The following ITGA6 variants were observed in gnomAD, a reference collection of about 807,000 sequenced individuals.
ITGA6 encodes integrin subunit alpha 6.
In ITGA6, 63 loss-of-function variants were observed where a neutral mutation model predicts 133.6. That is an observed-to-expected ratio of 0.47 (90% CI 0.38 to 0.58). ITGA6 has a LOEUF of 0.58. Among genes scored for constraint, ITGA6 ranks in the 20% least tolerant of loss-of-function variants. ITGA6 has a pLI of 0.00. For missense variants in ITGA6, 1,068 were observed against 1,309.4 expected (o/e 0.82, Z 2.85); for synonymous variants, 434 against 482.0 (o/e 0.90, Z 1.30).
intron 20 of ITGA6, among the ~76,000 whole-genome samples, chr2:172,490,311 C>T (rs1220311238): frequency 6.6e-6 from 1 of 152,136 alleles, no homozygotes. Flanking sequence ...GATGTCAAAG[C>T]CTGTACTGTT....
intron 1 of ITGA6, among the ~76,000 whole-genome samples, chr2:172,461,139 G>C (rs988850057): frequency 2.0e-5 from 3 of 152,196 alleles, no homozygotes; most frequent in African/African-American, 7.2e-5. Flanking sequence ...TGTGCCCAGA[G>C]CTCTGATTAG....
chr2:172,493,187 T>C (rs1056826321), intron 23 of ITGA6, among the ~76,000 whole-genome samples: 1 of 151,924 alleles, frequency 6.6e-6, no homozygotes, highest in Non-Finnish European at 1.5e-5. Flanking sequence ...GGATTATAGG[T>C]GTGAGCCACT....
rs553800107 is a variant in ITGA6 at position 172,464,484 on chromosome 2, G to C, written c.183-1055G>C. On this transcript the variant is annotated intron_variant, in intron 1 of 25. Coordinates refer to ENST00000684293, the MANE Select transcript of ITGA6 (RefSeq NM_000210.4). Reference sequence around the variant, plus strand: ...TTGTTTCCAAAACTCTCAGCTCTTGGTTTATCTCTGTCCAGTCAGGTGTGT... The same window carrying C: ...TTGTTTCCAAAACTCTCAGCTCTTGCTTTATCTCTGTCCAGTCAGGTGTGT... 3.3e-5 allele frequency: 5 copies of C among 152,414 alleles called. No individual in the cohort carries two copies. In the East Asian group the frequency reaches 9.7e-4, roughly 29 times the overall value. The allele number at this position is 152,414 out of a possible 1,614,324, so 9.4% of individuals were successfully genotyped here. A position where few individuals can be genotyped will look rare whatever the true frequency, so the allele number is the denominator to read the frequency against.
chr2:172,484,865 G>T lies in ITGA6; in HGVS notation c.1633G>T (p.Glu545Ter). 1 of 1,614,146 alleles carries T rather than the reference G, an allele frequency of 6.2e-7. No homozygotes were observed. The highest frequency in any genetic ancestry group is 8.5e-7 in the Non-Finnish European group (1 of 1,179,986). ...AGTTCAGTTTCGAAACCAAGGTTCT[G>T]AGCCCAAATATACTCAAGAACTAAC... ...SRVQFRNQGS[E>*]PKYTQELTLK... Residue 545 changes from glutamate to a stop codon, truncating the protein, a stop_gained, in exon 12 of 26, where the codon GAG (glutamate) becomes TAG (stop). Transcript: ENST00000684293. LOFTEE classifies it high-confidence loss of function.
intron 5 of ITGA6, chr2:172,472,872 A>G (rs758102554): frequency 3.1e-6 from 5 of 1,603,106 alleles, no homozygotes; most frequent in Admixed American, 1.7e-5. Flanking sequence ...CCCTGATGTG[A>G]TGATGAATAG....
At chr2:172,428,163 A>T (rs916955267) in intron 1 of ITGA6, 193 bp downstream of exon 1, 2 of 314,870 alleles carry the variant, frequency 6.4e-6, no homozygotes, top group Non-Finnish European at 1.1e-5. Flanking sequence ...GCCTCCCTCC[A>T]TTCAGCTCGG....
At chr2:172,448,709 T>G (rs1684867982) in intron 1 of ITGA6, among the ~76,000 whole-genome samples, 1 of 152,244 alleles carries the variant, frequency 6.6e-6, no homozygotes, top group African/African-American at 2.4e-5. Flanking sequence ...CAACTTTCTG[T>G]GTAAACATGA....
At chr2:172,493,128 T>C (rs1686990343) in intron 23 of ITGA6, among the ~76,000 whole-genome samples, 4 of 151,940 alleles carry the variant, frequency 2.6e-5, no homozygotes, top group Admixed American at 6.6e-5. Flanking sequence ...GGCTGGTCTT[T>C]AACTCCTGGA....
Position 172,427,623 on chromosome 2 carries a change from G to A in ITGA6, c.-166G>A. On this transcript the variant is annotated 5_prime_UTR_variant, in exon 1 of 26. Transcript: ENST00000684293. ...CAGCGGTCGCGAGCTGCCCGCGAGG[G>A]GGAGCGGCCGGACGGAGAGCGCGAC... The A allele has an allele frequency of 7.8e-7, 1 of 1,282,328 alleles. No individual in the cohort carries two copies. The highest frequency in any genetic ancestry group is 9.8e-7 in the Non-Finnish European group (1 of 1,017,920). 79.4% of individuals were successfully genotyped at this position (1,282,328 alleles called of 1,614,324 possible).
At chr2:172,457,815 G>A (rs1465789687) in intron 1 of ITGA6, among the ~76,000 whole-genome samples, 1 of 152,170 alleles carries the variant, frequency 6.6e-6, no homozygotes, top group Non-Finnish European at 1.5e-5. Flanking sequence ...ATTTTGACTT[G>A]TGGTTCCAGA....
chr2:172,490,853 G>C (rs562948415), intron 20 of ITGA6, 171 bp from the exon 21 acceptor site: 1 of 598,680 alleles, frequency 1.7e-6, no homozygotes, highest in African/African-American at 1.9e-5. Context: ...TGAATTTAGA[G>C]TGATAATACT....
intron 1 of ITGA6, among the ~76,000 whole-genome samples, chr2:172,456,590 G>A (rs16860437): frequency 0.038 from 5,822 of 152,216 alleles, 255 homozygotes; most frequent in African/African-American, 0.11. Context: ...GGCTAGAAGC[G>A]TTAACCATTC....
chr2:172,486,176 C>CAAAAAAAAAAAAAAAA (rs67271824), intron 13 of ITGA6, among the ~76,000 whole-genome samples: 4 of 77,318 alleles, frequency 5.2e-5, no homozygotes, highest in East Asian at 6.4e-4. Context: ...ACTCTATCTC[C>CAAAAAAAAAAAAAAAA]AAAAAAAAAA....
Position 172,427,890 on chromosome 2 carries a change from C to T in ITGA6, c.102C>T (p.Ile34=), listed in dbSNP as rs771118805. The change falls in exon 1 of 26, where the codon ATC becomes ATT. Residue 34 remains isoleucine, a synonymous_variant. Coordinates refer to ENST00000684293, the MANE Select transcript of ITGA6 (RefSeq NM_000210.4). ...FNLDTREDNV[I]RKYGDPGSLF... is the part of the protein sequence containing the mutation. Reference sequence around the variant, plus strand: ...TGGACACTCGGGAGGACAACGTGATCCGGAAATATGGAGACCCCGGGAGCC... The same window carrying T: ...TGGACACTCGGGAGGACAACGTGATTCGGAAATATGGAGACCCCGGGAGCC... 6.2e-7 allele frequency: 1 copy of T among 1,606,904 alleles called. No individual in the cohort carries two copies. Among genetic ancestry groups the T allele is most frequent in the Non-Finnish European group, 8.5e-7 (1 of 1,177,102 alleles).
chr2:172,498,760 T>A (rs926220340), intron 24 of ITGA6, among the ~76,000 whole-genome samples: 3 of 152,200 alleles, frequency 2.0e-5, no homozygotes, highest in African/African-American at 7.2e-5. Context: ...GCCCAAAGAT[T>A]ACAACCTAAA....
Position 172,486,176 on chromosome 2 carries a change from CAAAAAA to C in ITGA6, c.1855-831_1855-826del, listed in dbSNP as rs67271824. On this transcript the variant is annotated intron_variant, in intron 13 of 25. Coordinates refer to ENST00000684293, the MANE Select transcript of ITGA6 (RefSeq NM_000210.4). ...GGCAAAAAGAGTAAGACTCTATCTC[CAAAAAA>C]AAAAAAAAAAAAAAACAACTAATTG... 2.2e-4 allele frequency among the ~76,000 whole-genome samples: 17 copies of C among 77,322 alleles called. No homozygotes were observed. In the East Asian group the frequency reaches 9.5e-3, roughly 43 times the overall value. 50.7% of individuals were successfully genotyped at this position (77,322 alleles called of 152,430 possible).
intron 4 of ITGA6, among the ~76,000 whole-genome samples, chr2:172,470,038 ACT>A (rs1266826774): frequency 6.6e-6 from 1 of 152,186 alleles, no homozygotes; most frequent in Non-Finnish European, 1.5e-5. Flanking sequence ...AGACAACCTA[ACT>A]CTCATCCATG....
intron 23 of ITGA6, among the ~76,000 whole-genome samples, chr2:172,496,543 G>C (rs1372671578): frequency 6.6e-6 from 1 of 152,190 alleles, no homozygotes; most frequent in African/African-American, 2.4e-5. Context: ...CCGCATAGAA[G>C]TATTGAAGCA....
intron 23 of ITGA6, among the ~76,000 whole-genome samples, chr2:172,494,735 A>T (rs1687061541): frequency 6.6e-6 from 1 of 152,184 alleles, no homozygotes; most frequent in African/African-American, 2.4e-5. Context: ...TAAGAATGTC[A>T]TGCTGTAGGA....
Sources: allele counts gnomAD v4.1 joint callset (sites outside exome capture counted in the v4.1 genomes callset), GRCh38; gene constraint gnomAD v4.1.1; transcripts MANE v1.5; gene names NCBI Gene and HGNC (gene_info 2026-07-23, HGNC 2026-07-21).